Variants in CELF2 observed in about 807,000 individuals in gnomAD.
CELF2 encodes CUG triplet repeat RNA-binding protein 2.
A neutral mutation model predicts 62.6 loss-of-function variants in CELF2; 8 were observed. That is an observed-to-expected ratio of 0.13 (90% confidence interval 0.07 to 0.23). The LOEUF is 0.23. CELF2 is among the 10% of genes least tolerant of loss of function. The pLI is 1.00. For synonymous variants in CELF2, 258 were observed against 250.0 expected (o/e 1.03, Z -0.30); for missense variants, 333 against 671.0 (o/e 0.50, Z 5.56).
chr10:10,871,207 G>T (rs928384399), intron 1 of CELF2, among the ~76,000 whole-genome samples: 1 of 152,100 alleles, frequency 6.6e-6, no homozygotes, highest in Admixed American at 6.6e-5. Flanking sequence ...TGCAAAGAAG[G>T]GTTCTTTTCT....
the CELF2 span, among the ~76,000 whole-genome samples, chr10:10,661,108 T>G: frequency 6.6e-6 from 1 of 152,246 alleles, no homozygotes; most frequent in Non-Finnish European, 1.5e-5. Flanking sequence ...TAAGTTTTGA[T>G]GAATGCAAAT....
chr10:10,820,761 A>T (rs913107799), intron 1 of CELF2, among the ~76,000 whole-genome samples: 2 of 152,328 alleles, frequency 1.3e-5, no homozygotes, highest in African/African-American at 4.8e-5. Context: ...AATGAGGGTT[A>T]AGCCACATTC....
chr10:10,686,008 A>T, the CELF2 span, among the ~76,000 whole-genome samples: 1 of 152,086 alleles, frequency 6.6e-6, no homozygotes, highest in Admixed American at 6.6e-5. Flanking sequence ...TTCACTGAGG[A>T]TGATGGCAGC....
chr10:10,871,991 T>C (rs970896959), intron 1 of CELF2, among the ~76,000 whole-genome samples: 5 of 152,366 alleles, frequency 3.3e-5, no homozygotes, highest in Admixed American at 2.0e-4. Flanking sequence ...ATTTTGCATT[T>C]CAAAGAAGCT....
At chr10:11,238,732 T>A (rs577867272) in intron 3 of CELF2, among the ~76,000 whole-genome samples, 14 of 152,336 alleles carry the variant, frequency 9.2e-5, no homozygotes, top group African/African-American at 3.1e-4. Flanking sequence ...AAAATATTTC[T>A]AAGAAAAATT....
At chr10:11,001,735 A>G (rs937880751), upstream of CELF2, among the ~76,000 whole-genome samples, 6 of 152,184 alleles carry the variant, frequency 3.9e-5, no homozygotes, top group Non-Finnish European at 8.8e-5. Context: ...TATAGAGGGC[A>G]TCCGAACAAT....
chr10:10,912,659 C>T (rs1354000741), intron 1 of CELF2, among the ~76,000 whole-genome samples: 4 of 152,184 alleles, frequency 2.6e-5, no homozygotes, highest in East Asian at 1.9e-4. Flanking sequence ...TGTGCCAGTG[C>T]GCCCAGCCAA....
chr10:10,632,902 C>T, the CELF2 span, among the ~76,000 whole-genome samples: 1 of 152,206 alleles, frequency 6.6e-6, no homozygotes, highest in East Asian at 1.9e-4. Context: ...AAGATGCCAA[C>T]TGTTCTGAAT....
At chr10:10,783,368 A>G in the CELF2 span, among the ~76,000 whole-genome samples, 1 of 152,070 alleles carries the variant, frequency 6.6e-6, no homozygotes, top group Non-Finnish European at 1.5e-5. Context: ...ACAGAGGGAG[A>G]ACCCACAGAG....
the CELF2 span, among the ~76,000 whole-genome samples, chr10:10,599,725 C>CTTTTTTTTTTTTTTT: frequency 4.5e-4 from 61 of 134,564 alleles, no homozygotes; most frequent in South Asian, 1.2e-3. Flanking sequence ...TTCTTTCTTT[C>CTTTTTTTTTTTTTTT]TTTTTTTTTT....
the CELF2 span, among the ~76,000 whole-genome samples, chr10:10,595,455 C>G: frequency 6.6e-6 from 1 of 152,054 alleles, no homozygotes; most frequent in Admixed American, 6.6e-5. Flanking sequence ...AGGTGGGAGG[C>G]AGGACTCGAC....
rs959793797 is a variant in CELF2, at chr10:11,330,689, T to TTTA, written c.*1643_*1645dup. On this transcript the variant is annotated 3_prime_UTR_variant, in exon 13 of 13. Coordinates refer to ENST00000633077, the MANE Select transcript of CELF2 (RefSeq NM_001326342.2). The surrounding 1 kb of genome is among the most constrained non-coding windows in gnomAD (Gnocchi z 4.5). ...TTGCTGCATTCATGCAAGACTGAAA[T>TTTA]TTATTATTAGACAAATTCATTATAG... 2 of 152,742 alleles carry TTTA rather than the reference T, an allele frequency of 1.3e-5. No individual in the cohort carries two copies. The highest frequency in any genetic ancestry group is 1.3e-4 in the Admixed American group (2 of 15,298). The allele number at this position is 152,742 out of a possible 1,614,324, so 9.5% of individuals were successfully genotyped here.
the CELF2 span, among the ~76,000 whole-genome samples, chr10:10,768,619 T>C: frequency 6.6e-6 from 1 of 151,242 alleles, no homozygotes; most frequent in Non-Finnish European, 1.5e-5. Context: ...TGTTGCCCAT[T>C]CTGGAGTGCA....
At chr10:11,027,788 C>G (rs1041547552) in intron 1 of CELF2, among the ~76,000 whole-genome samples, 3 of 152,152 alleles carry the variant, frequency 2.0e-5, no homozygotes, top group Non-Finnish European at 2.9e-5. Flanking sequence ...TGTTCCATGC[C>G]TACTTCAAGT....
intron 4 of CELF2, among the ~76,000 whole-genome samples, chr10:11,254,210 A>G (rs1299849518): frequency 6.6e-6 from 1 of 152,228 alleles, no homozygotes; most frequent in Non-Finnish European, 1.5e-5. Flanking sequence ...TGGAAAACCA[A>G]AAAAACTCAG....
intron 1 of CELF2, among the ~76,000 whole-genome samples, chr10:10,899,793 G>A (rs912162191): frequency 6.6e-6 from 1 of 152,162 alleles, no homozygotes; most frequent in Non-Finnish European, 1.5e-5. Context: ...GAGGTGCTAC[G>A]CACTTTTAAA....
chr10:10,651,110 G>T, the CELF2 span, among the ~76,000 whole-genome samples: 4 of 146,370 alleles, frequency 2.7e-5, no homozygotes, highest in Non-Finnish European at 3.0e-5. Context: ...AAGGGGTGAC[G>T]GATGCACCTG....
the CELF2 span, among the ~76,000 whole-genome samples, chr10:10,661,195 A>G: frequency 3.7e-4 from 57 of 152,224 alleles, no homozygotes; most frequent in Non-Finnish European, 6.9e-4. Flanking sequence ...CTTGCAAAGT[A>G]ATCACTGATT....
At chr10:10,582,856 T>C in the CELF2 span, among the ~76,000 whole-genome samples, 1 of 152,222 alleles carries the variant, frequency 6.6e-6, no homozygotes, top group Non-Finnish European at 1.5e-5. Flanking sequence ...ATCTCAAATT[T>C]GCATTAATAC....
Sources: allele counts gnomAD v4.1 joint callset (sites outside exome capture counted in the v4.1 genomes callset), GRCh38; gene constraint gnomAD v4.1.1; non-coding constraint Gnocchi (gnomAD v3.1); transcripts MANE v1.5; gene names NCBI Gene and HGNC (gene_info 2026-07-23, HGNC 2026-07-21).